Variants in TMEM11 observed in about 807,000 individuals in gnomAD.
TMEM11 encodes the protein transmembrane protein 11, also known as transmembrane protein 11, mitochondrial.
A neutral mutation model predicts 17.0 loss-of-function variants in TMEM11; 1 was observed. The observed-to-expected ratio is 0.06, with a 90% CI of 0.02 to 0.28. The LOEUF is 0.28. TMEM11 is among the 10% of genes least tolerant of loss of function. TMEM11 has a pLI of 1.00. For missense variants in TMEM11, 172 were observed against 252.9 expected, an observed-to-expected ratio of 0.68 and a Z score of 2.17; for synonymous variants, 122 against 118.1, an observed-to-expected ratio of 1.03 and a Z score of -0.21.
At chr17:21,209,426 C>T (rs1200926778) in intron 1 of TMEM11, among the ~76,000 whole-genome samples, 1 of 152,150 alleles carries the variant, frequency 6.6e-6, no homozygotes, top group African/African-American at 2.4e-5. Flanking sequence ...GCCTAAGACA[C>T]ATGTGGCTGT....
chr17:21,207,726 A>G (rs1974957841), intron 1 of TMEM11, among the ~76,000 whole-genome samples: 1 of 151,302 alleles, frequency 6.6e-6, no homozygotes, highest in Admixed American at 6.6e-5. Context: ...CGTCTCTACT[A>G]AAAATACAAA....
chr17:21,206,057 G>GTATA (rs1251589336), intron 1 of TMEM11, among the ~76,000 whole-genome samples: 1 of 148,534 alleles, frequency 6.7e-6, no homozygotes, highest in African/African-American at 2.5e-5. Flanking sequence ...TGGGGGGGGG[G>GTATA]TATATATACC....
intron 1 of TMEM11, among the ~76,000 whole-genome samples, chr17:21,203,543 C>T (rs765930285): frequency 2.6e-5 from 4 of 152,026 alleles, no homozygotes; most frequent in Non-Finnish European, 4.4e-5. Flanking sequence ...AAGGTGAAAC[C>T]GTCTTTACCA....
At chr17:21,206,133 T>C (rs1408833940) in intron 1 of TMEM11, among the ~76,000 whole-genome samples, 2 of 152,112 alleles carry the variant, frequency 1.3e-5, no homozygotes, top group Non-Finnish European at 2.9e-5. Context: ...ATCTCTATAC[T>C]GTTTTCCAGA....
intron 1 of TMEM11, among the ~76,000 whole-genome samples, chr17:21,199,178 C>T (rs1597768294): frequency 6.6e-6 from 1 of 151,712 alleles, no homozygotes; most frequent in East Asian, 1.9e-4. Flanking sequence ...AAAAAATTAG[C>T]CAGGTGTGGT....
chr17:21,209,653 C>T (rs1319006928), intron 1 of TMEM11, among the ~76,000 whole-genome samples: 1 of 152,096 alleles, frequency 6.6e-6, no homozygotes, highest in Admixed American at 6.5e-5. Context: ...CCTGTGGTCC[C>T]AGCTACTCGG....
Position 21,198,733 on chromosome 17 carries a change from T to C in TMEM11, c.170A>G (p.Tyr57Cys), listed in dbSNP as rs1192297938. The change falls in exon 2 of 2, where the codon TAC becomes TGC. Residue 57 changes from tyrosine to cysteine, a missense_variant. Transcript: ENST00000317635. The surrounding 1 kb of genome is among the most constrained non-coding windows in gnomAD (Gnocchi z 6.5). ...AGTGGGCTCAATCACAATGTACTTG[T>C]ACTGGGCTTCCAGGGCCTGCTCCAG... Reference protein sequence around the residue: ...YELEQALEAQYKYIVIEPTRI... With the variant: ...YELEQALEAQCKYIVIEPTRI... 9 of 1,614,008 alleles carry C rather than the reference T, an allele frequency of 5.6e-6. No individual in the cohort carries two copies. Among genetic ancestry groups the C allele is most frequent in the Non-Finnish European group, 1.7e-6 (2 of 1,180,058 alleles).
rs544069869 is a variant in TMEM11, at chr17:21,198,259, G to T, written c.*65C>A. The T allele has an allele frequency of 1.9e-6, 3 of 1,542,588 alleles. No homozygotes were observed. The highest frequency in any genetic ancestry group is 2.6e-6 in the Non-Finnish European group (3 of 1,139,250). On this transcript the variant is annotated 3_prime_UTR_variant, in exon 2 of 2. Transcript: ENST00000317635. This position sits in a 1 kb window ranked among gnomAD's most constrained non-coding sequence, Gnocchi z 6.5. ...GCTCTGCTGCCTCACAGAGTGTGGC[G>T]ATCTGAATACTCTGTTGTCTCTTGT...
chr17:21,213,231 G>A (rs1322434626), intron 1 of TMEM11: 2 of 152,184 alleles, frequency 1.3e-5, no homozygotes, highest in South Asian at 2.1e-4. Context: ...AAGCTTTAGC[G>A]GACAGTTAAT....
In TMEM11 at chr17:21,198,975, A is replaced by G. The variant is rs537454309; in HGVS notation, c.63-135T>C. On this transcript the variant is annotated intron_variant, in intron 1 of 1. Coordinates refer to ENST00000317635, the MANE Select transcript of TMEM11 (RefSeq NM_003876.3). This position sits in a 1 kb window ranked among gnomAD's most constrained non-coding sequence, Gnocchi z 6.5. ...GAGAGCACATCTCACTTGGGTCCTC[A>G]TCTCCTTTAAATCCCAACACAAGAT... The G allele has an allele frequency of 2.6e-5, 24 of 906,292 alleles. No homozygotes were observed. The East Asian group carries it at 6.2e-4, about 24-fold the overall frequency. The allele number at this position is 906,292 out of a possible 1,614,324, so 56.1% of individuals were successfully genotyped here.
intron 1 of TMEM11, among the ~76,000 whole-genome samples, chr17:21,202,313 C>T (rs1567635546): frequency 1.3e-5 from 2 of 152,184 alleles, no homozygotes; most frequent in Non-Finnish European, 2.9e-5. Flanking sequence ...TTGGGGCGGG[C>T]ACCAGAGGCG....
At chr17:21,208,769 T>C (rs747109731) in intron 1 of TMEM11, among the ~76,000 whole-genome samples, 6 of 152,168 alleles carry the variant, frequency 3.9e-5, no homozygotes, top group Admixed American at 6.5e-5. Context: ...TCCCCAGCAC[T>C]GGGCCTGAAT....
At chr17:21,211,269 C>T (rs894569881) in intron 1 of TMEM11, 4 of 1,277,054 alleles carry the variant, frequency 3.1e-6, no homozygotes, top group African/African-American at 3.0e-5. Flanking sequence ...CATGCAAGCA[C>T]TACCATTTTG....
chr17:21,211,860 G>A, intron 1 of TMEM11, among the ~76,000 whole-genome samples: 1 of 152,236 alleles, frequency 6.6e-6, no homozygotes, highest in Non-Finnish European at 1.5e-5. Context: ...CAGCACGAAT[G>A]TGACATGGAA....
chr17:21,211,346 G>A, intron 1 of TMEM11: 1 of 728,942 alleles, frequency 1.4e-6, no homozygotes, highest in Non-Finnish European at 2.0e-6. Flanking sequence ...TGCAGTGATG[G>A]AAATGTCCTC....
chr17:21,208,755 A>T (rs1974971511), intron 1 of TMEM11, among the ~76,000 whole-genome samples: 1 of 152,208 alleles, frequency 6.6e-6, no homozygotes, highest in Non-Finnish European at 1.5e-5. Context: ...TTTTCATCGT[A>T]GTTTCCCCAG....
intron 1 of TMEM11, chr17:21,210,883 C>T: frequency 4.9e-6 from 6 of 1,231,832 alleles, no homozygotes; most frequent in Non-Finnish European, 6.3e-6. Flanking sequence ...AGATCAAGTA[C>T]ATCTTCACGT....
At chr17:21,204,435 TAAAAAAAA>T (rs71160127) in intron 1 of TMEM11, among the ~76,000 whole-genome samples, 1 of 96,842 alleles carries the variant, frequency 1.0e-5, no homozygotes, top group East Asian at 3.2e-4. Flanking sequence ...TCCGTCTCAA[TAAAAAAAA>T]AAAAAAAAAA....
chr17:21,213,895 GCT>G, intron 1 of TMEM11, 194 bp downstream of exon 1: 1 of 587,152 alleles, frequency 1.7e-6, no homozygotes, highest in South Asian at 2.0e-5. Context: ...CTTCCCCTAA[GCT>G]CTCCGCCGAG....
Sources: allele counts gnomAD v4.1 joint callset (sites outside exome capture counted in the v4.1 genomes callset), GRCh38; gene constraint gnomAD v4.1.1; non-coding constraint Gnocchi (gnomAD v3.1); transcripts MANE v1.5; gene names NCBI Gene and HGNC (gene_info 2026-07-23, HGNC 2026-07-21).